Variants in ST18 observed in about 807,000 individuals in gnomAD.
ST18 encodes ST18 C2H2C-type zinc finger transcription factor.
A neutral mutation model predicts 110.0 loss-of-function variants in ST18; 50 were observed. That is an observed-to-expected ratio of 0.45 (90% CI 0.36 to 0.58). ST18 has a LOEUF of 0.58. Among genes scored for constraint, ST18 ranks in the 20% least tolerant of loss-of-function variants. The pLI is 0.00. For missense variants in ST18, 1,306 were observed against 1,280.1 expected (o/e 1.02, Z -0.31); for synonymous variants, 461 against 452.4 (o/e 1.02, Z -0.24).
intron 8 of ST18, among the ~76,000 whole-genome samples, chr8:52,180,682 G>A (rs549766114): frequency 6.6e-6 from 1 of 152,226 alleles, no homozygotes; most frequent in South Asian, 2.1e-4. Context: ...AAAAAAATGT[G>A]CCCAGTATGG....
At chr8:52,389,521 A>C (rs1204533766) in intron 2 of ST18, among the ~76,000 whole-genome samples, 1 of 152,184 alleles carries the variant, frequency 6.6e-6, no homozygotes. Context: ...AGGCTTAAGC[A>C]CTGGTTGTGT....
At position 52,201,785 on chromosome 8, in the gene ST18, A is replaced by T. The variant is rs567191271; in HGVS notation, c.86+10294T>A. On this transcript the variant is annotated intron_variant, in intron 8 of 25. Coordinates refer to ENST00000689386, the MANE Select transcript of ST18 (RefSeq NM_001352837.2). ...GCCCGTCCTCAGACTCCCTGGGCTG[A>T]CCCCTTCCTACAAGCAGCTCAGGGA... 1.5e-3 allele frequency among the ~76,000 whole-genome samples: 234 copies of T among 152,130 alleles called. 2 individuals are homozygous for T. The highest frequency in any genetic ancestry group is 5.4e-3 in the African/African-American group (225 of 41,498).
rs568456899 is a variant in ST18 at position 52,290,897 on chromosome 8, C to T, written c.-464-60820G>A. ...TTGTTCTCTTCTCGCCTTAGGGCTT[C>T]GTACCAATCGTTCCCCCGGTGAACA... On this transcript the variant is annotated intron_variant, in intron 2 of 25. Coordinates refer to ENST00000689386, the MANE Select transcript of ST18 (RefSeq NM_001352837.2). Among the ~76,000 whole-genome samples, 24 of 152,274 alleles carry T rather than the reference C, an allele frequency of 1.6e-4. 2 individuals carry two copies. The South Asian group carries it at 2.5e-3, about 16-fold the overall frequency.
chr8:52,300,623 G>A (rs968722036), intron 2 of ST18, among the ~76,000 whole-genome samples: 1 of 152,052 alleles, frequency 6.6e-6, no homozygotes, highest in East Asian at 1.9e-4. Flanking sequence ...TAGTTGGGGG[G>A]AAATGGAGAA....
chr8:52,234,105 AC>A (rs1340988703), intron 2 of ST18, among the ~76,000 whole-genome samples: 28 of 152,294 alleles, frequency 1.8e-4, no homozygotes, highest in African/African-American at 2.4e-5. Flanking sequence ...GGCTATGTTA[AC>A]TTTTTTCCAA....
intron 2 of ST18, among the ~76,000 whole-genome samples, chr8:52,259,103 G>A (rs894156128): frequency 3.3e-5 from 5 of 152,132 alleles, no homozygotes; most frequent in African/African-American, 1.2e-4. Context: ...TCTAGATTGG[G>A]CTATCTTGGT....
intron 2 of ST18, among the ~76,000 whole-genome samples, chr8:52,262,424 A>G (rs2094724011): frequency 6.6e-6 from 1 of 152,130 alleles, no homozygotes; most frequent in Non-Finnish European, 1.5e-5. Context: ...AACCCTCCCA[A>G]ACAAAATCTG....
At chr8:52,188,687 A>C (rs1207000482) in intron 8 of ST18, among the ~76,000 whole-genome samples, 1 of 152,208 alleles carries the variant, frequency 6.6e-6, no homozygotes, top group Non-Finnish European at 1.5e-5. Context: ...GGATTATGGC[A>C]ATAAACCAGA....
chr8:52,239,320 T>C (rs1033695291), intron 2 of ST18, among the ~76,000 whole-genome samples: 11 of 152,174 alleles, frequency 7.2e-5, no homozygotes, highest in African/African-American at 2.4e-4. Flanking sequence ...ACCATTAAAC[T>C]GTACACTTGA....
At chr8:52,274,574 T>C (rs1194952386) in intron 2 of ST18, among the ~76,000 whole-genome samples, 2 of 142,372 alleles carry the variant, frequency 1.4e-5, no homozygotes, top group Admixed American at 6.7e-5. Flanking sequence ...AAATATGTAA[T>C]AAGTGGAGAA....
At chr8:52,328,772 C>A (rs1231537183) in intron 2 of ST18, among the ~76,000 whole-genome samples, 1 of 151,952 alleles carries the variant, frequency 6.6e-6, no homozygotes, top group East Asian at 1.9e-4. Flanking sequence ...TTTAATTTTT[C>A]CAATAAAAAA....
chr8:52,211,995 T>C lies in ST18; in HGVS notation c.86+84A>G, dbSNP rs868100752. The C allele has an allele frequency of 4.6e-5, 66 of 1,440,580 alleles. No homozygotes were observed. In the African/African-American group the frequency reaches 8.2e-4, roughly 18 times the overall value. The allele number at this position is 1,440,580 out of a possible 1,614,324, so 89.2% of individuals were successfully genotyped here. ...AGCCAATTCCTTCTGCTAAAAAAAG[T>C]ATTCTGAGGCTTGAAAAGTACAAAT... On this transcript the variant is annotated intron_variant, in intron 8 of 25. Coordinates refer to ENST00000689386, the MANE Select transcript of ST18 (RefSeq NM_001352837.2).
At chr8:52,188,698 T>A (rs900927751) in intron 8 of ST18, among the ~76,000 whole-genome samples, 5 of 152,246 alleles carry the variant, frequency 3.3e-5, no homozygotes, top group East Asian at 3.9e-4. Context: ...ATAAACCAGA[T>A]GAGAGATGTG....
At chr8:52,402,818 G>A (rs138054993) in intron 2 of ST18, among the ~76,000 whole-genome samples, 216 of 152,270 alleles carry the variant, frequency 1.4e-3, no homozygotes, top group African/African-American at 5.0e-3. Flanking sequence ...GGTGGGGCAC[G>A]GCAGCTGTTC....
rs114255024 is a variant in ST18 at position 52,172,603 on chromosome 8, A to G, written c.278-20T>C. 2.1e-3 allele frequency: 3,145 copies of G among 1,529,984 alleles called. 57 individuals carry two copies. In the African/African-American group the frequency reaches 0.039, roughly 19 times the overall value. The allele number at this position is 1,529,984 out of a possible 1,614,324, so 94.8% of individuals were successfully genotyped here. On this transcript the variant is annotated intron_variant, in intron 9 of 25. Transcript: ENST00000689386. ...TTTCCTCTATGGAAAAAGAAAACCA[A>G]TATTTGAAGAGCAAGAACAAAAAAT... is the stretch of plus-strand genomic sequence containing the variant.
chr8:52,195,287 A>G (rs540033861), intron 8 of ST18, among the ~76,000 whole-genome samples: 1 of 152,350 alleles, frequency 6.6e-6, no homozygotes, highest in South Asian at 2.1e-4. Context: ...TCAGATACAG[A>G]CATTTATTAC....
chr8:52,241,086 T>C (rs927975627), intron 2 of ST18, among the ~76,000 whole-genome samples: 4 of 152,390 alleles, frequency 2.6e-5, no homozygotes, highest in Non-Finnish European at 5.9e-5. Flanking sequence ...CTGTCATTTA[T>C]GACTCTTTAC....
rs528826448 is a variant in ST18, at chr8:52,116,739, C to T, written c.2860-321G>A. Among the ~76,000 whole-genome samples, 4 of 152,280 alleles carry T rather than the reference C, an allele frequency of 2.6e-5. No homozygotes were observed. In the East Asian group the frequency reaches 7.7e-4, roughly 29 times the overall value. On this transcript the variant is annotated intron_variant, in intron 24 of 25. Transcript: ENST00000689386. ...CAAACTTGCTCCATCCGCTGTCTCC[C>T]TTTTCCAGTCAGCAGCAACTCAACT...
At chr8:52,377,210 T>A (rs34585910) in intron 2 of ST18, among the ~76,000 whole-genome samples, 114,783 of 152,164 alleles carry the variant, frequency 0.75, 48,213 homozygotes, top group Non-Finnish European at 0.93. Flanking sequence ...ATAATTATAT[T>A]ACCTAAATGC....
Sources: allele counts gnomAD v4.1 joint callset (sites outside exome capture counted in the v4.1 genomes callset), GRCh38; gene constraint gnomAD v4.1.1; transcripts MANE v1.5; gene names NCBI Gene and HGNC (gene_info 2026-07-23, HGNC 2026-07-21).